DYM: variants seen among roughly 807,000 people sequenced by gnomAD.
The protein encoded by DYM is dyggve-Melchior-Clausen syndrome protein.
In DYM, 78 loss-of-function variants were observed where a neutral mutation model predicts 93.1. The observed-to-expected ratio is 0.84, with a 90% confidence interval of 0.70 to 1.01. The LOEUF is 1.01. Ranked by LOEUF, DYM falls within the 50% of genes least tolerant of loss-of-function variation. DYM has a pLI of 0.00. For missense variants in DYM, 789 were observed against 845.0 expected (o/e 0.93, Z 0.82); for synonymous variants, 321 against 319.7 (o/e 1.00, Z -0.04).
intron 17 of DYM, among the ~76,000 whole-genome samples, chr18:49,091,652 G>A (rs2079062797): frequency 2.6e-5 from 4 of 152,170 alleles, no homozygotes; most frequent in Admixed American, 2.6e-4. Context: ...TAGGGCCTGA[G>A]AACCTCCATT....
At chr18:49,382,424 T>A (rs535384411) in intron 3 of DYM, among the ~76,000 whole-genome samples, 23 of 152,316 alleles carry the variant, frequency 1.5e-4, no homozygotes, top group Admixed American at 1.5e-3. Flanking sequence ...ATACACTCAA[T>A]GATTTTAAAC....
intron 17 of DYM, among the ~76,000 whole-genome samples, chr18:49,080,532 G>C (rs1485998135): frequency 7.0e-6 from 1 of 143,620 alleles, no homozygotes; most frequent in East Asian, 2.2e-4. Context: ...TTCCCAGTAG[G>C]GGCGGCCGGG....
At chr18:49,322,023 T>C (rs1330128405) in intron 8 of DYM, among the ~76,000 whole-genome samples, 1 of 152,120 alleles carries the variant, frequency 6.6e-6, no homozygotes, top group Non-Finnish European at 1.5e-5. Context: ...TAAAATACAT[T>C]ATAATTACTG....
Position 49,382,367 on chromosome 18 carries a change from C to T in DYM, c.194-2609G>A, listed in dbSNP as rs551559118. Among the ~76,000 whole-genome samples, 18 of 152,218 alleles carry T rather than the reference C, an allele frequency of 1.2e-4. No homozygotes were observed. The South Asian group carries it at 3.7e-3, about 32-fold the overall frequency. ...AGACAGTTAAAAAGTTTCCATGATA[C>T]TCTTTTGGATAAGATGAAGATTAGG... On this transcript the variant is annotated intron_variant, in intron 3 of 17. Transcript: ENST00000675505.
Position 49,216,524 on chromosome 18 carries a change from C to T in DYM, c.1461-6809G>A, listed in dbSNP as rs576649548. On this transcript the variant is annotated intron_variant, in intron 13 of 17. Coordinates refer to ENST00000675505, the MANE Select transcript of DYM (RefSeq NM_001353214.3). ...CCCCCCAGTAGGGGCAGACTGACAT[C>T]TCACACGGCCGGGTACTCCTTTCAG... Among the ~76,000 whole-genome samples the T allele has an allele frequency of 7.9e-5, 12 of 152,308 alleles. No individual in the cohort carries two copies. The East Asian group carries it at 1.9e-3, about 24-fold the overall frequency.
chr18:49,113,919 A>AT lies in DYM; in HGVS notation c.1911+4824_1911+4825insA, dbSNP rs2081669291. ...AACCTGCTCATTTGGAATCTTAATTAGGTTTATCCAAGTGAATGCTGAAAA... is the reference window on the plus strand; with the variant it reads ...AACCTGCTCATTTGGAATCTTAATTATGGTTTATCCAAGTGAATGCTGAAAA... On this transcript the variant is annotated intron_variant, in intron 16 of 17. Transcript: ENST00000675505. Among the ~76,000 whole-genome samples the AT allele has an allele frequency of 2.6e-5, 4 of 152,346 alleles. No individual in the cohort carries two copies. In the South Asian group the frequency reaches 6.2e-4, roughly 24 times the overall value.
intron 15 of DYM, among the ~76,000 whole-genome samples, chr18:49,133,285 C>T (rs532836760): frequency 6.6e-5 from 10 of 152,104 alleles, no homozygotes; most frequent in Non-Finnish European, 1.3e-4. Flanking sequence ...ACCATGCCCA[C>T]GGATTTACTT....
chr18:49,244,389 C>T (rs145438980), intron 13 of DYM, among the ~76,000 whole-genome samples: 1 of 152,280 alleles, frequency 6.6e-6, no homozygotes, highest in Admixed American at 6.5e-5. Context: ...AACATGTCAA[C>T]AGGGGGATCA....
At chr18:49,274,116 C>T (rs2094784996) in intron 10 of DYM, among the ~76,000 whole-genome samples, 1 of 152,000 alleles carries the variant, frequency 6.6e-6, no homozygotes, top group South Asian at 2.1e-4. Context: ...TGAAAAATTT[C>T]ATTATCTCAA....
intron 8 of DYM, among the ~76,000 whole-genome samples, chr18:49,325,327 A>C (rs1004683874): frequency 3.3e-5 from 5 of 152,228 alleles, no homozygotes; most frequent in Non-Finnish European, 4.4e-5. Context: ...TTCTATAAAA[A>C]ACAGTCAAAA....
At chr18:49,431,804 G>C (rs959562609) in intron 1 of DYM, 2 of 152,138 alleles carry the variant, frequency 1.3e-5, no homozygotes, top group Non-Finnish European at 2.9e-5. Context: ...CTTATTCTGA[G>C]AGCAAGATGC....
At chr18:49,226,381 C>T (rs1165249071) in intron 13 of DYM, among the ~76,000 whole-genome samples, 1 of 152,152 alleles carries the variant, frequency 6.6e-6, no homozygotes, top group Non-Finnish European at 1.5e-5. Context: ...AGAATGTTGT[C>T]ATGGCTCTCC....
chr18:49,205,559 A>G (rs1292618815), intron 14 of DYM, among the ~76,000 whole-genome samples: 1 of 152,154 alleles, frequency 6.6e-6, no homozygotes, highest in Non-Finnish European at 1.5e-5. Flanking sequence ...CTGGATATCA[A>G]ATTTTATGAT....
chr18:49,331,273 T>C (rs1396426758), intron 8 of DYM, among the ~76,000 whole-genome samples: 15 of 152,230 alleles, frequency 9.9e-5, no homozygotes, highest in Non-Finnish European at 2.1e-4. Context: ...TTACTTCTAG[T>C]GTCTGTAGTC....
intron 14 of DYM, among the ~76,000 whole-genome samples, chr18:49,175,702 T>C (rs1426573410): frequency 6.6e-6 from 1 of 152,276 alleles, no homozygotes; most frequent in Admixed American, 6.5e-5. Flanking sequence ...GTACACAGCA[T>C]AATGCATGGA....
intron 14 of DYM, among the ~76,000 whole-genome samples, chr18:49,182,075 T>C (rs1460319891): frequency 6.6e-6 from 1 of 152,192 alleles, no homozygotes; most frequent in Non-Finnish European, 1.5e-5. Flanking sequence ...TAGAAGTATG[T>C]TATTTAATTT....
chr18:49,410,837 TTTA>T (rs1281510704), intron 2 of DYM, among the ~76,000 whole-genome samples: 2 of 152,180 alleles, frequency 1.3e-5, no homozygotes, highest in African/African-American at 2.4e-5. Flanking sequence ...TGTGTTATAC[TTTA>T]AAGAAATCAT....
intron 10 of DYM, among the ~76,000 whole-genome samples, chr18:49,277,695 G>A (rs1451359894): frequency 1.3e-5 from 2 of 152,298 alleles, no homozygotes; most frequent in South Asian, 2.1e-4. Flanking sequence ...CAGTAAGCAG[G>A]TCTGCACCAG....
chr18:49,177,298 G>A (rs573997979), intron 14 of DYM, among the ~76,000 whole-genome samples: 2 of 152,144 alleles, frequency 1.3e-5, no homozygotes, highest in South Asian at 4.1e-4. Flanking sequence ...AATAAAGCAT[G>A]TTTACTATAT....
Sources: gnomAD v4.1 joint callset for allele counts (sites outside exome capture counted in the v4.1 genomes callset) on GRCh38, gnomAD v4.1.1 for gene constraint, MANE v1.5 for transcripts, NCBI Gene and HGNC (gene_info 2026-07-23, HGNC 2026-07-21) for gene names.